The following ANAPC16 variants were observed in gnomAD, a reference collection of about 807,000 sequenced individuals.
The protein encoded by ANAPC16 is anaphase-promoting complex subunit 16.
ANAPC16 carries 6 observed loss-of-function variants against 13.1 expected under a neutral mutation model. That is an observed-to-expected ratio of 0.46 (90% CI 0.25 to 0.90). The LOEUF is 0.90. ANAPC16 is among the 40% of genes least tolerant of loss of function. The probability of loss-of-function intolerance (pLI) is 0.18; values close to 1 mark genes in which losing one functional copy is unlikely to be tolerated. For missense variants in ANAPC16, 113 were observed against 131.1 expected (o/e 0.86, Z 0.67); for synonymous variants, 55 against 51.3 (o/e 1.07, Z -0.31).
intron 1 of ANAPC16, among the ~76,000 whole-genome samples, chr10:72,217,923 A>T (rs982027613): frequency 6.6e-6 from 1 of 151,800 alleles, no homozygotes; most frequent in Admixed American, 6.6e-5. Context: ...AGGCTTAATC[A>T]TTAAGTATAA....
chr10:72,231,546 ATTTTATTTTAAAATGAC>A (rs1860304280), intron 3 of ANAPC16, among the ~76,000 whole-genome samples: 1 of 152,090 alleles, frequency 6.6e-6, no homozygotes, highest in Non-Finnish European at 1.5e-5. Context: ...AAATGTGATC[ATTTTATTTTAAAATGAC>A]TTTTATTTTT....
chr10:72,230,929 G>A (rs1698721626), intron 3 of ANAPC16, among the ~76,000 whole-genome samples: 1 of 152,060 alleles, frequency 6.6e-6, no homozygotes, highest in Admixed American at 6.6e-5. Flanking sequence ...AGTGCTTCCT[G>A]CTCCTCTTGT....
intron 2 of ANAPC16, among the ~76,000 whole-genome samples, chr10:72,229,056 A>G (rs529200327): frequency 6.6e-6 from 1 of 152,248 alleles, no homozygotes; most frequent in Non-Finnish European, 1.5e-5. Flanking sequence ...AAAATAAAAT[A>G]TGAGTTATAA....
At position 72,234,378 on chromosome 10, in the gene ANAPC16, T is replaced by TC. The variant is rs1423817257; in HGVS notation, c.*1268dup. ...GTCTTGAACTCCTGGCCTCAAGAGA[T>TC]CCCCCCAACCTTGGCCTCCAAAGTG... On this transcript the variant is annotated 3_prime_UTR_variant, in exon 4 of 4. Coordinates refer to ENST00000299381, the MANE Select transcript of ANAPC16 (RefSeq NM_173473.4). 6.6e-6 allele frequency: 1 copy of TC among 151,958 alleles called. No homozygotes were observed. The highest frequency in any genetic ancestry group is 2.4e-5 in the African/African-American group (1 of 41,264). 9.4% of individuals were successfully genotyped at this position (151,958 alleles called of 1,614,324 possible). A position where few individuals can be genotyped will look rare whatever the true frequency, so the allele number is the denominator to read the frequency against.
chr10:72,226,308 C>T (rs1019431041), intron 2 of ANAPC16, among the ~76,000 whole-genome samples: 11 of 151,978 alleles, frequency 7.2e-5, no homozygotes, highest in Admixed American at 4.6e-4. Flanking sequence ...CATGAACCAC[C>T]GCACCTGGCC....
At chr10:72,217,103 C>T (rs1156410085) in intron 1 of ANAPC16, 1 of 453,606 alleles carries the variant, frequency 2.2e-6, no homozygotes, top group Admixed American at 2.4e-5. Flanking sequence ...AACACTGCCC[C>T]AGGTTCTGTG....
chr10:72,218,038 A>G (rs776052851), intron 1 of ANAPC16, among the ~76,000 whole-genome samples: 1 of 150,902 alleles, frequency 6.6e-6, no homozygotes, highest in Non-Finnish European at 1.5e-5. Flanking sequence ...TTTTGCAGAT[A>G]AGACAACTAA....
rs57330798 is a variant in ANAPC16, at chr10:72,227,876, CAA to C, written c.143-2474_143-2473del. Among the ~76,000 whole-genome samples, 284 of 76,558 alleles carry C rather than the reference CAA, an allele frequency of 3.7e-3. 1 individual carries two copies. Among genetic ancestry groups the C allele is most frequent in the African/African-American group, 9.0e-3 (258 of 28,702 alleles). The allele number at this position is 76,558 out of a possible 152,430, so 50.2% of individuals were successfully genotyped here. On this transcript the variant is annotated intron_variant, in intron 2 of 3. Transcript: ENST00000299381. ...TGAAACCCCACCTCTACTAAAAATA[CAA>C]AAAAAAAAAAAAAAAGGCATCGTGG...
chr10:72,223,134 C>T (rs1432863398), intron 1 of ANAPC16: 3 of 127,738 alleles, frequency 2.3e-5, no homozygotes, highest in Admixed American at 2.0e-4. Context: ...GTCGCCCAGG[C>T]TCACTGCAAC....
chr10:72,227,865 T>C (rs1860172418), intron 2 of ANAPC16, among the ~76,000 whole-genome samples: 1 of 134,586 alleles, frequency 7.4e-6, no homozygotes, highest in Non-Finnish European at 1.5e-5. Context: ...ACCCCACCTC[T>C]ACTAAAAATA....
chr10:72,229,053 AAT>A (rs1860212216), intron 2 of ANAPC16, among the ~76,000 whole-genome samples: 2 of 152,146 alleles, frequency 1.3e-5, no homozygotes, highest in South Asian at 4.1e-4. Context: ...TCTAAAATAA[AAT>A]ATGAGTTATA....
intron 3 of ANAPC16, among the ~76,000 whole-genome samples, chr10:72,232,465 A>C (rs1341720642): frequency 6.7e-6 from 1 of 149,862 alleles, no homozygotes; most frequent in African/African-American, 2.4e-5. Context: ...AATCACTTGA[A>C]CCCACGAGGC....
intron 1 of ANAPC16, chr10:72,223,680 T>C (rs1217971934): frequency 2.6e-6 from 1 of 378,674 alleles, no homozygotes; most frequent in Non-Finnish European, 4.7e-6. Flanking sequence ...TTTAAGTAGA[T>C]ATACTATTCT....
intron 1 of ANAPC16, among the ~76,000 whole-genome samples, chr10:72,220,592 G>A (rs1859882181): frequency 6.6e-6 from 1 of 151,874 alleles, no homozygotes; most frequent in Non-Finnish European, 1.5e-5. Context: ...CCCAGGAGAT[G>A]AGGCTGCAAT....
In ANAPC16 at chr10:72,233,214, C is replaced by A; in HGVS notation, c.*98C>A. 1.2e-6 allele frequency: 1 copy of A among 855,086 alleles called. No homozygotes were observed. The highest frequency in any genetic ancestry group is 1.9e-6 in the Non-Finnish European group (1 of 529,846). 53.0% of individuals were successfully genotyped at this position (855,086 alleles called of 1,614,324 possible). ...GCCATCCAGAGATCCACAGCTACGT[C>A]ACTGAATTGTTAATGCACATTTGTA... On this transcript the variant is annotated 3_prime_UTR_variant, in exon 4 of 4. Transcript: ENST00000299381.
rs1300362820 is a variant in ANAPC16, at chr10:72,233,634, T to C, written c.*518T>C. The C allele has an allele frequency of 6.5e-6, 1 of 152,990 alleles. No individual in the cohort carries two copies. Among genetic ancestry groups the C allele is most frequent in the Non-Finnish European group, 1.5e-5 (1 of 68,278 alleles). The allele number at this position is 152,990 out of a possible 1,614,324, so 9.5% of individuals were successfully genotyped here. A position where few individuals can be genotyped will look rare whatever the true frequency, so the allele number is the denominator to read the frequency against. On this transcript the variant is annotated 3_prime_UTR_variant, in exon 4 of 4. Coordinates refer to ENST00000299381, the MANE Select transcript of ANAPC16 (RefSeq NM_173473.4). ...TTTTTTTCCTATTTTTAGACATCAA[T>C]TCTATAGATTCTGACTTTTTCTAAC...
intron 3 of ANAPC16, among the ~76,000 whole-genome samples, chr10:72,231,350 C>T (rs761290845): frequency 2.0e-5 from 3 of 151,948 alleles, no homozygotes; most frequent in African/African-American, 4.8e-5. Context: ...CTGACCTGGG[C>T]AACATGGTGA....
chr10:72,229,119 C>T (rs1351184420), intron 2 of ANAPC16, among the ~76,000 whole-genome samples: 1 of 151,692 alleles, frequency 6.6e-6, no homozygotes, highest in African/African-American at 2.4e-5. Flanking sequence ...GACATTCAAA[C>T]CCCTTTTTTT....
chr10:72,225,569 G>A (rs1860093742), intron 2 of ANAPC16, among the ~76,000 whole-genome samples: 1 of 152,056 alleles, frequency 6.6e-6, no homozygotes, highest in African/African-American at 2.4e-5. Context: ...GTGACAGAAT[G>A]AGACTCTGTC....
Sources: gnomAD v4.1 joint callset for allele counts (sites outside exome capture counted in the v4.1 genomes callset) on GRCh38, gnomAD v4.1.1 for gene constraint, MANE v1.5 for transcripts, NCBI Gene and HGNC (gene_info 2026-07-23, HGNC 2026-07-21) for gene names.